MYO5B: variants seen among roughly 807,000 people sequenced by gnomAD.
MYO5B encodes the protein myosin VB.
Under a neutral mutation model 229.3 loss-of-function variants are expected in MYO5B, and 143 were observed. That is an observed-to-expected ratio of 0.62 (90% CI 0.54 to 0.72). The LOEUF is 0.72. Among genes scored for constraint, MYO5B ranks in the 30% least tolerant of loss-of-function variants. The pLI, the probability that MYO5B is intolerant of heterozygous loss-of-function variation, is 0.00. For missense variants in MYO5B, 2,321 were observed against 2,331.0 expected, an observed-to-expected ratio of 1.00 and a Z score of 0.09; for synonymous variants, 918 against 885.2, an observed-to-expected ratio of 1.04 and a Z score of -0.66.
At chr18:49,917,151 T>A (rs1249044095) in intron 17 of MYO5B, among the ~76,000 whole-genome samples, 1 of 152,230 alleles carries the variant, frequency 6.6e-6, no homozygotes, top group Non-Finnish European at 1.5e-5. Context: ...GTTGTGGATA[T>A]GTTCATGCAG....
intron 30 of MYO5B, among the ~76,000 whole-genome samples, chr18:49,854,064 G>A (rs1383384833): frequency 1.4e-4 from 21 of 152,172 alleles, no homozygotes; most frequent in Non-Finnish European, 3.1e-4. Context: ...TAAAACTCTG[G>A]CAAAACTGAG....
chr18:50,081,054 T>A (rs2031208353), intron 1 of MYO5B, among the ~76,000 whole-genome samples: 1 of 152,176 alleles, frequency 6.6e-6, no homozygotes, highest in Non-Finnish European at 1.5e-5. Flanking sequence ...TGGAATAAAG[T>A]TATGAGTCAC....
chr18:50,055,370 C>A lies in MYO5B; in HGVS notation c.36G>T (p.Arg12Ser), dbSNP rs1276339588. ...CCTCATCAGGGTCAGGGATCCAGACCCTTGTGCACTGAAAGATTAAAACAG... is the reference window on the plus strand; with the variant it reads ...CCTCATCAGGGTCAGGGATCCAGACACTTGTGCACTGAAAGATTAAAACAG... ...SVGELYSQCT[R>S]VWIPDPDEVW... The change falls in exon 2 of 40, where the codon AGG (arginine) becomes AGT (serine). Residue 12 changes from arginine to serine, a missense_variant. By Grantham distance (110) the Arg-to-Ser change is moderately radical (BLOSUM62 -1). This residue lies in a region of MYO5B where 2,113 missense variants were observed against 2,044.7 expected (regional missense o/e 1.03). Coordinates refer to ENST00000285039, the MANE Select transcript of MYO5B (RefSeq NM_001080467.3). The A allele has an allele frequency of 6.2e-7, 1 of 1,613,428 alleles. No individual in the cohort carries two copies. Among genetic ancestry groups the A allele is most frequent in the Non-Finnish European group, 8.5e-7 (1 of 1,179,594 alleles).
intron 22 of MYO5B, among the ~76,000 whole-genome samples, chr18:49,881,361 T>C (rs185319691): frequency 5.3e-5 from 8 of 152,252 alleles, no homozygotes; most frequent in African/African-American, 1.9e-4. Context: ...TAACTTGCTA[T>C]TGACACTCAA....
At chr18:50,182,798 G>A (rs1218114025) in intron 1 of MYO5B, among the ~76,000 whole-genome samples, 1 of 152,168 alleles carries the variant, frequency 6.6e-6, no homozygotes, top group Non-Finnish European at 1.5e-5. Flanking sequence ...TTGGTGAGGA[G>A]AGGACTTTCC....
intron 1 of MYO5B, among the ~76,000 whole-genome samples, chr18:50,095,823 C>G (rs991434958): frequency 6.6e-6 from 1 of 152,210 alleles, no homozygotes; most frequent in African/African-American, 2.4e-5. Flanking sequence ...CCACTGAAAG[C>G]AATCTTTTAA....
chr18:49,857,388 T>A (rs557269149), intron 29 of MYO5B, among the ~76,000 whole-genome samples: 2 of 152,040 alleles, frequency 1.3e-5, no homozygotes, highest in East Asian at 3.9e-4. Context: ...GGGGAACACA[T>A]TGCATCTGCA....
At chr18:50,038,891 T>G (rs552247767) in intron 3 of MYO5B, among the ~76,000 whole-genome samples, 2 of 152,326 alleles carry the variant, frequency 1.3e-5, no homozygotes, top group South Asian at 4.1e-4. Context: ...ACAGTTTGTT[T>G]CAAATAAAAC....
At chr18:50,098,282 A>G (rs2031591693) in intron 1 of MYO5B, among the ~76,000 whole-genome samples, 1 of 152,090 alleles carries the variant, frequency 6.6e-6, no homozygotes, top group African/African-American at 2.4e-5. Flanking sequence ...TTTTTATCTT[A>G]TAGGTGTATT....
chr18:49,862,234 G>A (rs1326772538), intron 29 of MYO5B, among the ~76,000 whole-genome samples: 1 of 152,138 alleles, frequency 6.6e-6, no homozygotes, highest in East Asian at 1.9e-4. Flanking sequence ...CTGACCTCAG[G>A]TGATCTGCCC....
intron 17 of MYO5B, among the ~76,000 whole-genome samples, chr18:49,926,143 T>C (rs1259194513): frequency 6.6e-6 from 1 of 152,214 alleles, no homozygotes. Context: ...GCTAGAGCAG[T>C]TCATCCTGAA....
chr18:49,961,524 A>C (rs775142997), intron 12 of MYO5B, among the ~76,000 whole-genome samples: 16 of 152,270 alleles, frequency 1.1e-4, no homozygotes, highest in Non-Finnish European at 1.8e-4. Context: ...AAGTAAAAGC[A>C]AGTGGGTTCT....
chr18:49,937,471 T>C, intron 14 of MYO5B, 74 bp from the exon 15 acceptor site: 1 of 1,537,852 alleles, frequency 6.5e-7, no homozygotes, highest in Non-Finnish European at 8.9e-7. Flanking sequence ...AAAGCTGCTT[T>C]TCAACATATA....
rs113244354 is a variant in MYO5B at position 50,186,471 on chromosome 18, T to C, written c.27+8296A>G. Among the ~76,000 whole-genome samples, 692 of 152,344 alleles carry C rather than the reference T, an allele frequency of 4.5e-3. 8 individuals are homozygous for C. The highest frequency in any genetic ancestry group is 0.015 in the African/African-American group (641 of 41,570). ...ACTTAAAACTTCTTTCAGACTGCTC[T>C]TGCTCCTTCCCCAGGGGTGGTGGGG... On this transcript the variant is annotated intron_variant, in intron 1 of 39. Coordinates refer to ENST00000285039, the MANE Select transcript of MYO5B (RefSeq NM_001080467.3).
At chr18:50,019,844 G>A (rs2026255631) in intron 4 of MYO5B, among the ~76,000 whole-genome samples, 1 of 152,116 alleles carries the variant, frequency 6.6e-6, no homozygotes, top group East Asian at 1.9e-4. Flanking sequence ...AATATCTAAG[G>A]ATCCTTCCAG....
At chr18:50,159,682 G>A (rs17716831) in intron 1 of MYO5B, among the ~76,000 whole-genome samples, 44,754 of 152,012 alleles carry the variant, frequency 0.29, 7,403 homozygotes, top group East Asian at 0.4. Flanking sequence ...AAGTCCCTTT[G>A]CCATCCCGCA....
chr18:49,885,185 G>A (rs1375328218), intron 22 of MYO5B, among the ~76,000 whole-genome samples: 1 of 152,206 alleles, frequency 6.6e-6, no homozygotes, highest in Admixed American at 6.5e-5. Context: ...TACGCTGACT[G>A]ACACAAAGAA....
At chr18:49,863,047 C>T (rs573167777) in intron 29 of MYO5B, among the ~76,000 whole-genome samples, 180 bp downstream of exon 29, 3 of 152,258 alleles carry the variant, frequency 2.0e-5, no homozygotes, top group South Asian at 2.1e-4. Context: ...GCGTGTTGCT[C>T]GAGCCTTGCT....
chr18:49,877,834 A>T lies in MYO5B; in HGVS notation c.3325T>A (p.Ser1109Thr). Residue 1109 changes from serine to threonine, a missense_variant, in exon 25 of 40, where the codon TCT becomes ACT. Physicochemically the swap from Ser to Thr is moderately conservative, Grantham distance 58. Coordinates refer to ENST00000285039, the MANE Select transcript of MYO5B (RefSeq NM_001080467.3). The stretch of plus-strand genomic sequence containing the variant: ...GAGATGGAGGGGTAATTGGAGTCAG[A>T]TTCTAAGCTACTTTGGTTTGATGGG... The part of the protein sequence containing the change: ...RNPSNQSSLE[S>T]DSNYPSISTS... The T allele has an allele frequency of 6.2e-7, 1 of 1,614,060 alleles. No homozygotes were observed.
Sources: allele counts gnomAD v4.1 joint callset (sites outside exome capture counted in the v4.1 genomes callset), GRCh38; gene constraint gnomAD v4.1.1; regional missense constraint gnomAD v4.1.1; transcripts MANE v1.5; gene names NCBI Gene and HGNC (gene_info 2026-07-23, HGNC 2026-07-21).